The following B4GALNT2 variants were observed in gnomAD, a reference collection of about 807,000 sequenced individuals.
B4GALNT2 encodes beta-1,4-N-acetyl-galactosaminyltransferase 2 (SID blood group).
A neutral mutation model predicts 51.1 loss-of-function variants in B4GALNT2; 42 were observed. That is an observed-to-expected ratio of 0.82 (90% CI 0.64 to 1.06). The LOEUF is 1.06. Among genes scored for constraint, B4GALNT2 ranks in the 50% least tolerant of loss-of-function variants. B4GALNT2 has a pLI of 0.00. For missense variants in B4GALNT2, 602 were observed against 633.6 expected (o/e 0.95, Z 0.54); for synonymous variants, 253 against 251.7 (o/e 1.01, Z -0.05).
At chr17:49,160,747 G>A in intron 7 of B4GALNT2, 106 bp downstream of exon 7, 1 of 1,003,764 alleles carries the variant, frequency 1.0e-6, no homozygotes, top group Non-Finnish European at 1.6e-6. Context: ...CAAAATGACA[G>A]CTCTGATATG....
chr17:49,167,418 G>A (rs991307418), intron 9 of B4GALNT2, among the ~76,000 whole-genome samples: 27 of 152,224 alleles, frequency 1.8e-4, no homozygotes, highest in African/African-American at 6.5e-4. Flanking sequence ...AGGGAGGTGG[G>A]GAAATGCAAT....
At chr17:49,142,572 G>T (rs796906686) in intron 3 of B4GALNT2, among the ~76,000 whole-genome samples, 11 of 151,952 alleles carry the variant, frequency 7.2e-5, no homozygotes, top group Admixed American at 3.3e-4. Flanking sequence ...CATGCCTGTA[G>T]TCCCAGCTAC....
intron 6 of B4GALNT2, 116 bp downstream of exon 6, chr17:49,159,333 T>TGTTTG (rs2042841058): frequency 9.0e-7 from 1 of 1,110,694 alleles, no homozygotes; most frequent in African/African-American, 1.7e-5. Context: ...TGTGTGTGTT[T>TGTTTG]GTTTGTTTTG....
upstream of B4GALNT2, among the ~76,000 whole-genome samples, chr17:49,130,923 C>T (rs2042534270): frequency 6.6e-6 from 1 of 152,232 alleles, no homozygotes; most frequent in African/African-American, 2.4e-5. Context: ...GGTTTCTCAT[C>T]TTCTTCAGCA....
At chr17:49,143,978 T>C (rs529226338) in intron 3 of B4GALNT2, among the ~76,000 whole-genome samples, 4 of 152,214 alleles carry the variant, frequency 2.6e-5, no homozygotes, top group Admixed American at 6.5e-5. Flanking sequence ...CGAAACTCCA[T>C]CTCTACTAAA....
chr17:49,163,002 T>G (rs1431920595), intron 7 of B4GALNT2, among the ~76,000 whole-genome samples: 2 of 151,564 alleles, frequency 1.3e-5, no homozygotes, highest in East Asian at 3.9e-4. Context: ...CTGATTTTTG[T>G]CATTCTGGGA....
At position 49,168,683 on chromosome 17, in the gene B4GALNT2, A is replaced by G. The variant is rs1159299794; in HGVS notation, c.1098A>G (p.Val366=). The part of the protein sequence containing the change: ...DVLEKTELDV[V]GGSVLGNVFQ... The stretch of plus-strand genomic sequence containing the variant: ...GGATTTCTCTGCCTGCTGGCTAGGT[A>G]GGCGGCAGTGTGCTGGGAAATGTGT... The change falls in exon 10 of 11, where the codon GTA becomes GTG. Residue 366 remains valine (V), a splice_region_variant and synonymous_variant. Transcript: ENST00000393354. 1.9e-6 allele frequency: 3 copies of G among 1,612,976 alleles called. No individual in the cohort carries two copies. The highest frequency in any genetic ancestry group is 1.7e-6 in the Non-Finnish European group (2 of 1,179,692).
chr17:49,148,437 C>CT, intron 3 of B4GALNT2: 1 of 292,968 alleles, frequency 3.4e-6, no homozygotes, highest in Non-Finnish European at 6.7e-6. Context: ...TGGCAGCAGG[C>CT]TGTGGGCTTC....
rs1470411182 is a variant in B4GALNT2, at chr17:49,175,807, T to C, written c.*6079T>C. On this transcript the variant is annotated 3_prime_UTR_variant, in exon 11 of 11. Transcript: ENST00000393354. ...CTGCTAGAACAGTCACTGGGGCAAC[T>C]ACTTTTCACCCAGTGTCCTCTGGAA... is the stretch of plus-strand genomic sequence containing the variant. 6.6e-6 allele frequency: 1 copy of C among 152,282 alleles called. No individual in the cohort carries two copies. The highest frequency in any genetic ancestry group is 3.4e-3 in the Middle Eastern group (1 of 294). 9.4% of individuals were successfully genotyped at this position (152,282 alleles called of 1,614,324 possible).
intron 8 of B4GALNT2, among the ~76,000 whole-genome samples, chr17:49,164,701 G>A (rs1018270715): frequency 5.3e-5 from 8 of 151,880 alleles, no homozygotes; most frequent in African/African-American, 1.2e-4. Context: ...AGGGTTCACC[G>A]TGTTGGGCAG....
At chr17:49,139,380 A>G (rs1321047978) in intron 1 of B4GALNT2, among the ~76,000 whole-genome samples, 1 of 152,162 alleles carries the variant, frequency 6.6e-6, no homozygotes, top group African/African-American at 2.4e-5. Context: ...CTGGGACCAC[A>G]GGCCTGGGCC....
intron 3 of B4GALNT2, among the ~76,000 whole-genome samples, chr17:49,145,620 C>A (rs2042687762): frequency 6.6e-6 from 1 of 152,102 alleles, no homozygotes; most frequent in African/African-American, 2.4e-5. Flanking sequence ...GTGGAGTGAC[C>A]CAAACCTTCA....
rs2042910385 is a variant in B4GALNT2, at chr17:49,166,252, G to A, written c.1093G>A (p.Val365Met). 2 of 1,612,310 alleles carry A rather than the reference G, an allele frequency of 1.2e-6. No homozygotes were observed. The highest frequency in any genetic ancestry group is 1.7e-6 in the Non-Finnish European group (2 of 1,179,064). ...TGTCCTGGAGAAAACAGAACTGGAC[G>A]TGGTAAGGGACAGTTGCCAGTTTCA... Reference protein sequence around the residue: ...VDVLEKTELDVVGGSVLGNVF... With the variant: ...VDVLEKTELDMVGGSVLGNVF... The change falls in exon 9 of 11, where the codon GTG (valine) becomes ATG (methionine). Residue 365 changes from valine to methionine, a missense_variant and splice_region_variant. By Grantham distance (21) the Val-to-Met change is conservative (BLOSUM62 1). Transcript: ENST00000393354.
the B4GALNT2 span, among the ~76,000 whole-genome samples, chr17:49,123,047 T>C: frequency 6.6e-6 from 1 of 152,254 alleles, no homozygotes; most frequent in Non-Finnish European, 1.5e-5. Flanking sequence ...ATTTTCAGCT[T>C]AAGATTTCCT....
chr17:49,167,730 C>T (rs931780624), intron 9 of B4GALNT2, among the ~76,000 whole-genome samples: 3 of 151,882 alleles, frequency 2.0e-5, no homozygotes, highest in Non-Finnish European at 4.4e-5. Flanking sequence ...TTGCCTCAGC[C>T]TCCTGAGTAA....
In B4GALNT2 at chr17:49,160,640, A is replaced by G. The variant is rs368477173; in HGVS notation, c.765A>G (p.Pro255=). 1.2e-6 allele frequency: 2 copies of G among 1,613,724 alleles called. No homozygotes were observed. The highest frequency in any genetic ancestry group is 1.7e-6 in the Non-Finnish European group (2 of 1,179,740). ...PVIPKLYDPG[P]ERKLRNLVTI... ...TACCCAAGCTATACGACCCTGGACC[A>G]GGTAAGGCCCTTGTCCTTGGGGCTC... The change falls in exon 7 of 11, where the codon CCA becomes CCG. Residue 255 remains proline (P), a splice_region_variant and synonymous_variant. Transcript: ENST00000393354.
At chr17:49,120,472 GTGTGTGTGTGTC>G in the B4GALNT2 span, among the ~76,000 whole-genome samples, 1 of 102,554 alleles carries the variant, frequency 9.8e-6, no homozygotes, top group Admixed American at 1.1e-4. Flanking sequence ...TTTTGTGTGT[GTGTGTGTGTGTC>G]TGTGTGTGTG....
intron 1 of B4GALNT2, among the ~76,000 whole-genome samples, chr17:49,136,518 GTTTATTTA>G (rs141696525): frequency 0.086 from 12,718 of 148,354 alleles, 743 homozygotes; most frequent in African/African-American, 0.15. Flanking sequence ...TCACATTAGA[GTTTATTTA>G]TTTATTTATT....
chr17:49,145,167 C>A (rs1299898559), intron 3 of B4GALNT2, among the ~76,000 whole-genome samples: 4 of 152,082 alleles, frequency 2.6e-5, no homozygotes, highest in African/African-American at 9.7e-5. Context: ...TAGTATTAAC[C>A]AGCACAAGTC....
Sources: gnomAD v4.1 joint callset for allele counts (sites outside exome capture counted in the v4.1 genomes callset) on GRCh38, gnomAD v4.1.1 for gene constraint, MANE v1.5 for transcripts, NCBI Gene and HGNC (gene_info 2026-07-23, HGNC 2026-07-21) for gene names.